The following RORA variants were observed in gnomAD, a reference collection of about 807,000 sequenced individuals.
The protein encoded by RORA is RAR related orphan receptor A, also known as nuclear receptor ROR-alpha.
RORA carries 7 observed loss-of-function variants against 69.5 expected under a neutral mutation model. The observed-to-expected ratio is 0.10, with a 90% CI of 0.06 to 0.19. RORA has a LOEUF of 0.19. Among genes scored for constraint, RORA ranks in the 10% least tolerant of loss-of-function variants. RORA has a pLI of 1.00. For missense variants in RORA, 457 were observed against 663.0 expected (o/e 0.69, Z 3.41); for synonymous variants, 261 against 240.8 (o/e 1.08, Z -0.78).
intron 1 of RORA, among the ~76,000 whole-genome samples, chr15:60,883,665 TTTTTA>T (rs1183663512): frequency 1.3e-5 from 2 of 152,250 alleles, no homozygotes; most frequent in African/African-American, 4.8e-5. Flanking sequence ...AATTAGAATC[TTTTTA>T]TTTTTCTGTT....
intron 1 of RORA, among the ~76,000 whole-genome samples, chr15:60,991,655 T>A (rs1894382565): frequency 6.6e-6 from 1 of 152,110 alleles, no homozygotes; most frequent in African/African-American, 2.4e-5. Flanking sequence ...CCCAGCACTT[T>A]CGGAGGCTGA....
chr15:60,551,434 A>C (rs78314476), intron 2 of RORA, among the ~76,000 whole-genome samples: 1 of 152,128 alleles, frequency 6.6e-6, no homozygotes, highest in Non-Finnish European at 1.5e-5. Context: ...TGCCATTTCT[A>C]AAGTTTAAGA....
intron 2 of RORA, among the ~76,000 whole-genome samples, chr15:60,549,095 G>T (rs1243181393): frequency 3.3e-5 from 5 of 152,184 alleles, no homozygotes; most frequent in African/African-American, 1.2e-4. Flanking sequence ...TATGTTCTGT[G>T]TCTGTCGCCT....
intron 1 of RORA, chr15:61,214,005 A>G (rs982126220): frequency 6.6e-6 from 1 of 152,184 alleles, no homozygotes; most frequent in Non-Finnish European, 1.5e-5. Context: ...GAGGGCATTC[A>G]CCGAATGCTC....
intron 1 of RORA, among the ~76,000 whole-genome samples, chr15:60,700,392 A>G (rs1412353703): frequency 6.6e-6 from 1 of 152,206 alleles, no homozygotes; most frequent in Non-Finnish European, 1.5e-5. Flanking sequence ...TTAGCTTTGC[A>G]GAAACTGGAG....
intron 2 of RORA, chr15:60,592,965 G>C: frequency 2.2e-6 from 1 of 455,020 alleles, no homozygotes; most frequent in Non-Finnish European, 4.4e-6. Flanking sequence ...CCAGCTCGTT[G>C]GTGGAAAAGA....
At chr15:60,995,991 A>C (rs1334277909) in intron 1 of RORA, among the ~76,000 whole-genome samples, 10 of 152,216 alleles carry the variant, frequency 6.6e-5, no homozygotes, top group Admixed American at 5.9e-4. Context: ...AAAAAGAACA[A>C]AAATGAGGAA....
chr15:60,600,812 A>G (rs1035349919), intron 2 of RORA, among the ~76,000 whole-genome samples: 11 of 152,134 alleles, frequency 7.2e-5, no homozygotes, highest in African/African-American at 1.4e-4. Context: ...TGGGTTTCCA[A>G]TCATTATATA....
At chr15:60,811,626 T>G (rs2072743792) in intron 1 of RORA, among the ~76,000 whole-genome samples, 1 of 152,232 alleles carries the variant, frequency 6.6e-6, no homozygotes, top group Non-Finnish European at 1.5e-5. Flanking sequence ...TTTGGACCAA[T>G]GATATAATAC....
intron 1 of RORA, among the ~76,000 whole-genome samples, chr15:61,064,454 A>G (rs558101195): frequency 5.3e-4 from 80 of 152,320 alleles, no homozygotes; most frequent in South Asian, 5.0e-3. Context: ...CTGGACCATA[A>G]CCTACTACTC....
intron 2 of RORA, among the ~76,000 whole-genome samples, chr15:60,584,490 G>C (rs985586209): frequency 6.6e-6 from 1 of 152,210 alleles, no homozygotes; most frequent in Non-Finnish European, 1.5e-5. Context: ...CAGCCATAAA[G>C]CAGCCTTCTC....
At chr15:61,165,730 C>T (rs533269152) in intron 1 of RORA, among the ~76,000 whole-genome samples, 1 of 152,268 alleles carries the variant, frequency 6.6e-6, no homozygotes, top group South Asian at 2.1e-4. Context: ...AACAACATCC[C>T]ACTTTAAACA....
chr15:60,519,855 C>T (rs939373533), intron 3 of RORA: 1 of 150,950 alleles, frequency 6.6e-6, no homozygotes, highest in Non-Finnish European at 1.5e-5. Context: ...AACAAACAAA[C>T]AATGAAACTT....
chr15:60,568,139 A>C (rs920119234), intron 2 of RORA, among the ~76,000 whole-genome samples: 17 of 152,218 alleles, frequency 1.1e-4, no homozygotes, highest in Admixed American at 2.0e-4. Flanking sequence ...TTATGGAGAG[A>C]ATGGTTTCCA....
chr15:60,976,001 G>C (rs964657688), intron 1 of RORA, among the ~76,000 whole-genome samples: 2 of 152,258 alleles, frequency 1.3e-5, no homozygotes, highest in East Asian at 3.8e-4. Flanking sequence ...TCACCTACCA[G>C]CAGGGACTGG....
chr15:61,129,154 A>G (rs1328332672), intron 1 of RORA, among the ~76,000 whole-genome samples: 5 of 152,116 alleles, frequency 3.3e-5, no homozygotes, highest in Non-Finnish European at 7.4e-5. Context: ...TTGATCTCCT[A>G]TTTCTAGATA....
At chr15:61,170,266 C>T (rs186317012) in intron 1 of RORA, among the ~76,000 whole-genome samples, 33 of 152,304 alleles carry the variant, frequency 2.2e-4, no homozygotes, top group Non-Finnish European at 4.0e-4. Flanking sequence ...CTTCTGAAAG[C>T]TGTAGGGAGA....
intron 1 of RORA, among the ~76,000 whole-genome samples, chr15:60,942,963 T>C (rs772956650): frequency 6.6e-6 from 1 of 152,244 alleles, no homozygotes; most frequent in Non-Finnish European, 1.5e-5. Flanking sequence ...TCAAATTTAT[T>C]AGATTTTCTT....
intron 1 of RORA, among the ~76,000 whole-genome samples, chr15:61,228,038 C>G (rs1321617053): frequency 1.3e-5 from 2 of 150,514 alleles, no homozygotes; most frequent in East Asian, 2.0e-4. Context: ...CCCCAACACA[C>G]GCAGACACAG....
Sources: allele counts gnomAD v4.1 joint callset (sites outside exome capture counted in the v4.1 genomes callset), GRCh38; gene constraint gnomAD v4.1.1; transcripts MANE v1.5; gene names NCBI Gene and HGNC (gene_info 2026-07-23, HGNC 2026-07-21).